Variants in LRRIQ1 observed in about 807,000 individuals in gnomAD.
LRRIQ1 encodes leucine rich repeats and IQ motif containing 1, also known as leucine-rich repeat- and IQ domain-containing protein 1.
In LRRIQ1, 210 loss-of-function variants were observed where a neutral mutation model predicts 211.9. That is an observed-to-expected ratio of 0.99 (90% CI 0.89 to 1.11). LRRIQ1 has a LOEUF of 1.11. LRRIQ1 is among the 50% of genes most tolerant of loss of function. LRRIQ1 has a pLI of 0.00. For missense variants in LRRIQ1, 2,136 were observed against 1,939.5 expected (o/e 1.10, Z -1.90); for synonymous variants, 699 against 650.1 (o/e 1.08, Z -1.14).
chr12:85,121,614 T>G (rs897920199), intron 15 of LRRIQ1, 83 bp from the exon 16 acceptor site: 1 of 959,092 alleles, frequency 1.0e-6, no homozygotes, highest in Admixed American at 3.2e-5. Context: ...CTTGTATTAT[T>G]TAAATGATTA....
At chr12:85,236,830 C>CATATATATATATATCTATCTATATATAT (rs1555228690) in intron 26 of LRRIQ1, among the ~76,000 whole-genome samples, 1 of 108,810 alleles carries the variant, frequency 9.2e-6, no homozygotes, top group African/African-American at 4.5e-5. Flanking sequence ...TGTATGTGTG[C>CATATATATATATATCTATCTATATATAT]ATATATATAT....
At chr12:85,077,313 G>A (rs1883771281) in intron 11 of LRRIQ1, among the ~76,000 whole-genome samples, 2 of 152,204 alleles carry the variant, frequency 1.3e-5, no homozygotes, top group South Asian at 4.1e-4. Context: ...ATGGGCATGA[G>A]CCCTTTGAAG....
chr12:85,206,843 C>G (rs984852633), intron 24 of LRRIQ1, among the ~76,000 whole-genome samples: 1 of 152,086 alleles, frequency 6.6e-6, no homozygotes, highest in African/African-American at 2.4e-5. Flanking sequence ...TCAGGTCAAA[C>G]GGGCCTCATC....
chr12:85,046,520 C>T lies in LRRIQ1; in HGVS notation c.454+383C>T, dbSNP rs564068101. On this transcript the variant is annotated intron_variant, in intron 5 of 26. Transcript: ENST00000393217. ...TTTATTCACTTTGGTGAAATTTCTA[C>T]GTCTATTCAACAATGTATTTTATTG... Among the ~76,000 whole-genome samples the T allele has an allele frequency of 3.9e-5, 6 of 152,202 alleles. No individual in the cohort carries two copies. In the South Asian group the frequency reaches 1.0e-3, roughly 26 times the overall value.
At chr12:85,162,797 G>C (rs1382872009) in intron 24 of LRRIQ1, 1 of 455,686 alleles carries the variant, frequency 2.2e-6, no homozygotes. Flanking sequence ...TTTGGAACCA[G>C]GTAAAGTACA....
rs750779911 is a variant in LRRIQ1, at chr12:85,066,788, ATC to A, written c.2589_2590del (p.Val865CysfsTer4). 6.3e-7 allele frequency: 1 copy of A among 1,598,362 alleles called. No individual in the cohort carries two copies. Among genetic ancestry groups the A allele is most frequent in the Non-Finnish European group, 8.5e-7 (1 of 1,173,276 alleles). ...GCTATTGAGTGTGAAAATTTGGAAA[ATC>A]TCTGTGTTGTTCTTCTTAATAAAAA... On this transcript the variant is annotated frameshift_variant, in exon 10 of 27. Coordinates refer to ENST00000393217, the MANE Select transcript of LRRIQ1 (RefSeq NM_001079910.2). LOFTEE classifies it high-confidence loss of function.
chr12:85,072,280 G>A (rs1423236037), intron 10 of LRRIQ1, among the ~76,000 whole-genome samples: 1 of 151,816 alleles, frequency 6.6e-6, no homozygotes, highest in East Asian at 1.9e-4. Context: ...TATAGCCAGA[G>A]AATAATTTTT....
At chr12:85,188,255 A>C (rs550150885) in intron 24 of LRRIQ1, among the ~76,000 whole-genome samples, 1 of 152,134 alleles carries the variant, frequency 6.6e-6, no homozygotes, top group Non-Finnish European at 1.5e-5. Flanking sequence ...TTAATGACCC[A>C]AGATTGACTG....
intron 7 of LRRIQ1, among the ~76,000 whole-genome samples, chr12:85,052,797 A>G (rs192989926): frequency 1.6e-4 from 24 of 152,234 alleles, no homozygotes; most frequent in African/African-American, 5.5e-4. Context: ...GGTGTCTACT[A>G]CACATTGTCA....
At chr12:85,050,609 A>G (rs1565786853) in intron 6 of LRRIQ1, among the ~76,000 whole-genome samples, 1 of 152,120 alleles carries the variant, frequency 6.6e-6, no homozygotes, top group Non-Finnish European at 1.5e-5. Flanking sequence ...TGTATTATCC[A>G]TCTTCGCATC....
At chr12:85,102,987 T>TATATATATATATATATATA (rs1592801233) in intron 13 of LRRIQ1, among the ~76,000 whole-genome samples, 7 of 142,424 alleles carry the variant, frequency 4.9e-5, no homozygotes, top group East Asian at 2.1e-4. Flanking sequence ...TATATATATA[T>TATATATATATATATATATA]TTTACTAAGG....
intron 12 of LRRIQ1, 128 bp from the exon 13 acceptor site, chr12:85,098,739 A>G: frequency 1.4e-6 from 1 of 720,380 alleles, no homozygotes; most frequent in Non-Finnish European, 2.1e-6. Flanking sequence ...AAAAAGTCTT[A>G]TACCTTATGA....
At position 85,047,326 on chromosome 12, in the gene LRRIQ1, GA is replaced by G; in HGVS notation, c.536del (p.Lys179ArgfsTer3). On this transcript the variant is annotated frameshift_variant, in exon 6 of 27. Coordinates refer to ENST00000393217, the MANE Select transcript of LRRIQ1 (RefSeq NM_001079910.2). LOFTEE classifies it high-confidence loss of function. Reference sequence around the variant, plus strand: ...CTTTTGAGGCTTGGCAAGAGAAACAGAAGGAATTAGAAGATAAAGAGAAACA... The same window carrying G: ...CTTTTGAGGCTTGGCAAGAGAAACAGAGGAATTAGAAGATAAAGAGAAACA... ...QSFEAWQEKQ[K>X]ELEDKEKQTL... The G allele has an allele frequency of 6.2e-7, 1 of 1,610,918 alleles. No individual in the cohort carries two copies. The highest frequency in any genetic ancestry group is 8.5e-7 in the Non-Finnish European group (1 of 1,178,104).
intron 24 of LRRIQ1, among the ~76,000 whole-genome samples, chr12:85,185,830 A>G (rs1892202272): frequency 6.6e-6 from 1 of 151,946 alleles, no homozygotes; most frequent in Non-Finnish European, 1.5e-5. Flanking sequence ...TTTGCTACAT[A>G]TTACTACTAT....
intron 23 of LRRIQ1, among the ~76,000 whole-genome samples, chr12:85,157,017 T>C (rs7976514): frequency 0.057 from 8,705 of 151,894 alleles, 842 homozygotes; most frequent in African/African-American, 0.2. Flanking sequence ...TTGTATTTTG[T>C]ACATGTTTTT....
At chr12:85,151,803 G>A (rs979168425) in intron 19 of LRRIQ1, among the ~76,000 whole-genome samples, 4 of 151,592 alleles carry the variant, frequency 2.6e-5, no homozygotes, top group Non-Finnish European at 5.9e-5. Context: ...GCCACAAAAT[G>A]TGGTTTTTTT....
Position 85,198,039 on chromosome 12 carries a change from TAA to T in LRRIQ1, c.4823-31477_4823-31476del, listed in dbSNP as rs1189972253. On this transcript the variant is annotated intron_variant, in intron 24 of 26. Coordinates refer to ENST00000393217, the MANE Select transcript of LRRIQ1 (RefSeq NM_001079910.2). The stretch of plus-strand genomic sequence containing the variant: ...ATTATATTATTATATATAACATATA[TAA>T]TATATTATATAATTATATATAACAT... Among the ~76,000 whole-genome samples the T allele has an allele frequency of 1.8e-3, 54 of 30,712 alleles. No individual in the cohort carries two copies. The African/African-American group carries it at 0.021, about 12-fold the overall frequency. 20.1% of individuals were successfully genotyped at this position (30,712 alleles called of 152,430 possible). A position where few individuals can be genotyped will look rare whatever the true frequency, so the allele number is the denominator to read the frequency against.
At chr12:85,116,963 C>T (rs1447666505) in intron 15 of LRRIQ1, among the ~76,000 whole-genome samples, 1 of 151,422 alleles carries the variant, frequency 6.6e-6, no homozygotes, top group East Asian at 1.9e-4. Flanking sequence ...CATTGATAGT[C>T]ATTTAGGTTG....
At chr12:85,113,864 CA>C (rs1166688580) in intron 15 of LRRIQ1, among the ~76,000 whole-genome samples, 3 of 149,814 alleles carry the variant, frequency 2.0e-5, no homozygotes, top group Non-Finnish European at 4.4e-5. Flanking sequence ...CTGTTGATGT[CA>C]AATCATAAGG....
Sources: allele counts gnomAD v4.1 joint callset (sites outside exome capture counted in the v4.1 genomes callset), GRCh38; gene constraint gnomAD v4.1.1; transcripts MANE v1.5; gene names NCBI Gene and HGNC (gene_info 2026-07-23, HGNC 2026-07-21).